The following MATR3 variants were observed in gnomAD, a reference collection of about 807,000 sequenced individuals.
The protein encoded by MATR3 is matrin-3.
A neutral mutation model predicts 85.5 loss-of-function variants in MATR3; 4 were observed. The observed-to-expected ratio is 0.05, with a 90% CI of 0.02 to 0.11. The LOEUF is 0.11. MATR3 is among the 10% of genes least tolerant of loss of function. The pLI is 1.00. For synonymous variants in MATR3, 336 were observed against 343.1 expected (o/e 0.98, Z 0.23); for missense variants, 685 against 1,016.1 (o/e 0.67, Z 4.43).
At chr5:139,296,982 C>G (rs1754188582) in intron 1 of MATR3, among the ~76,000 whole-genome samples, 1 of 152,130 alleles carries the variant, frequency 6.6e-6, no homozygotes, top group African/African-American at 2.4e-5. Context: ...ACCAGCTTGC[C>G]CAACATGGCG....
At chr5:139,278,234 T>A (rs77591942) in intron 2 of MATR3, 11,626 of 248,066 alleles carry the variant, frequency 0.047, 951 homozygotes, top group East Asian at 0.39. Context: ...TCTCAAAAAA[T>A]ATATATATAT....
rs1418910027 is a variant in MATR3 at position 139,307,497 on chromosome 5, C to G, written c.82C>G (p.Leu28Val). The G allele has an allele frequency of 6.2e-7, 1 of 1,614,046 alleles. No homozygotes were observed. Among genetic ancestry groups the G allele is most frequent in the Non-Finnish European group, 8.5e-7 (1 of 1,179,988 alleles). ...TGACCTGTCTGCGGCAGGAATAGGCCTTCTTGCTGCTGCTACCCAGTCTTT... is the reference window on the plus strand; with the variant it reads ...TGACCTGTCTGCGGCAGGAATAGGCGTTCTTGCTGCTGCTACCCAGTCTTT... ...GRDLSAAGIG[L>V]LAAATQSLSM... The change falls in exon 2 of 15, where the codon CTT (leucine) becomes GTT (valine). Residue 28 changes from leucine (L) to valine (V), a missense_variant. Physicochemically the swap from Leu to Val is conservative, Grantham distance 32 (BLOSUM62 1). Around this residue, in one of 9 missense-constraint regions of MATR3, gnomAD observed 30 missense variants for 69.5 expected, o/e 0.43. Coordinates refer to ENST00000394805, the MANE Select transcript of MATR3 (RefSeq NM_018834.6). This position sits in a 1 kb window ranked among gnomAD's most constrained non-coding sequence, Gnocchi z 4.4.
intron 1 of MATR3, among the ~76,000 whole-genome samples, chr5:139,306,364 C>T (rs1460368702): frequency 1.3e-5 from 2 of 152,186 alleles, no homozygotes; most frequent in Admixed American, 1.3e-4. Context: ...ATCTCATTTT[C>T]ATTTTTACCT....
intron 3 of MATR3, among the ~76,000 whole-genome samples, chr5:139,288,325 G>C (rs1753771813): frequency 6.6e-6 from 1 of 152,086 alleles, no homozygotes; most frequent in South Asian, 2.1e-4. Context: ...TCATCACTAA[G>C]TTCCTCAATA....
At chr5:139,283,305 A>G (rs1163061886) in intron 3 of MATR3, 1 of 152,260 alleles carries the variant, frequency 6.6e-6, no homozygotes, top group Non-Finnish European at 1.5e-5. Flanking sequence ...TCTCCTTCTC[A>G]GTATTAATTC....
chr5:139,324,862 G>T (rs1755763900), intron 12 of MATR3, among the ~76,000 whole-genome samples: 1 of 152,050 alleles, frequency 6.6e-6, no homozygotes, highest in Non-Finnish European at 1.5e-5. Flanking sequence ...TTTTTTGGAA[G>T]AAAGGAAGAA....
chr5:139,331,566 C>T lies in MATR3; in HGVS notation c.*2171C>T, dbSNP rs886060004. ...AAACCTCTTTTTAGTAGGAATGTTT[C>T]CACTCATGTTTGCTGTAAAGTTTAA... On this transcript the variant is annotated 3_prime_UTR_variant, in exon 15 of 15. Coordinates refer to ENST00000394805, the MANE Select transcript of MATR3 (RefSeq NM_018834.6). 11 of 453,978 alleles carry T rather than the reference C, an allele frequency of 2.4e-5. No homozygotes were observed. The highest frequency in any genetic ancestry group is 4.4e-5 in the Non-Finnish European group (10 of 226,794). 28.1% of individuals were successfully genotyped at this position (453,978 alleles called of 1,614,324 possible).
At chr5:139,296,990 GC>G (rs1754189346) in intron 1 of MATR3, among the ~76,000 whole-genome samples, 1 of 152,132 alleles carries the variant, frequency 6.6e-6, no homozygotes. Flanking sequence ...GCCCAACATG[GC>G]GAAACCCCAT....
rs570298093 is a variant in MATR3 at position 139,329,485 on chromosome 5, A to G, written c.*90A>G. The G allele has an allele frequency of 3.2e-5, 34 of 1,058,802 alleles. No individual in the cohort carries two copies. Among genetic ancestry groups the G allele is most frequent in the Admixed American group, 2.6e-4 (15 of 56,846 alleles). 65.6% of individuals were successfully genotyped at this position (1,058,802 alleles called of 1,614,324 possible). A position where few individuals can be genotyped will look rare whatever the true frequency, so the allele number is the denominator to read the frequency against. ...TTTTAAATACAATACTGATAGTTAG[A>G]AGAAAACTATTGTACTCTTTTGTTT... On this transcript the variant is annotated 3_prime_UTR_variant, in exon 15 of 15. Transcript: ENST00000394805.
chr5:139,299,649 C>T lies in MATR3; in HGVS notation c.-178+5844C>T, dbSNP rs551268552. Among the ~76,000 whole-genome samples, 20 of 152,262 alleles carry T rather than the reference C, an allele frequency of 1.3e-4. No individual in the cohort carries two copies. The East Asian group carries it at 3.9e-3, about 29-fold the overall frequency. On this transcript the variant is annotated intron_variant, in intron 1 of 14. Coordinates refer to ENST00000394805, the MANE Select transcript of MATR3 (RefSeq NM_018834.6). ...CACTGCACTGGGCAACAGAGGAAGA[C>T]CCTGTCTTGAAAAAGGAAATCGTAG...
chr5:139,329,663 A>G lies in MATR3; in HGVS notation c.*268A>G, dbSNP rs1221444957. Reference sequence around the variant, plus strand: ...TTGACTTCCTAAGCTACTTAAGACAACTTGCACCACTAAGAAAAAAATGTA... The same window carrying G: ...TTGACTTCCTAAGCTACTTAAGACAGCTTGCACCACTAAGAAAAAAATGTA... On this transcript the variant is annotated 3_prime_UTR_variant, in exon 15 of 15. Transcript: ENST00000394805. The G allele has an allele frequency of 6.0e-6, 3 of 496,382 alleles. No individual in the cohort carries two copies. Among genetic ancestry groups the G allele is most frequent in the African/African-American group, 3.9e-5 (2 of 51,468 alleles). 30.7% of individuals were successfully genotyped at this position (496,382 alleles called of 1,614,324 possible).
intron 3 of MATR3, chr5:139,283,625 ATTAC>A (rs1325977408): frequency 6.6e-6 from 1 of 152,210 alleles, no homozygotes; most frequent in African/African-American, 2.4e-5. Flanking sequence ...ATCTGTGCTA[ATTAC>A]TTATCTTGCC....
At chr5:139,301,285 G>C (rs936236471) in intron 1 of MATR3, among the ~76,000 whole-genome samples, 3 of 152,146 alleles carry the variant, frequency 2.0e-5, no homozygotes, top group Non-Finnish European at 4.4e-5. Context: ...GTTTATGGAA[G>C]TCAAGAGAAT....
intron 1 of MATR3, chr5:139,294,398 C>T (rs1032482351): frequency 9.9e-5 from 19 of 191,662 alleles, no homozygotes; most frequent in Middle Eastern, 1.8e-3. Flanking sequence ...GCGTTTCTTT[C>T]TTTTCCCGGT....
chr5:139,327,694 T>TA (rs1271659109), intron 14 of MATR3, among the ~76,000 whole-genome samples: 1 of 152,168 alleles, frequency 6.6e-6, no homozygotes, highest in Non-Finnish European at 1.5e-5. Context: ...ATGCTGGGAT[T>TA]ACAGGCCTGA....
intron 1 of MATR3, among the ~76,000 whole-genome samples, chr5:139,296,976 G>C (rs1354962672): frequency 1.3e-5 from 2 of 152,294 alleles, no homozygotes; most frequent in East Asian, 3.9e-4. Context: ...TCTGAGACCA[G>C]CTTGCCCAAC....
chr5:139,324,292 T>C (rs76636848), intron 12 of MATR3, among the ~76,000 whole-genome samples: 1 of 129,458 alleles, frequency 7.7e-6, no homozygotes, highest in African/African-American at 3.3e-5. Flanking sequence ...GCATGATTGT[T>C]TTTTTTTTTT....
chr5:139,318,484 T>A (rs11958583), intron 7 of MATR3, among the ~76,000 whole-genome samples: 7 of 152,092 alleles, frequency 4.6e-5, no homozygotes, highest in Middle Eastern at 3.4e-3. Flanking sequence ...AGTGTCACTC[T>A]GTCACCTGGG....
At chr5:139,295,084 T>A (rs1754074230) in intron 1 of MATR3, 1 of 152,228 alleles carries the variant, frequency 6.6e-6, no homozygotes, top group African/African-American at 2.4e-5. Context: ...AAAATACATT[T>A]TTCTCCCAGG....
Sources: allele counts gnomAD v4.1 joint callset (sites outside exome capture counted in the v4.1 genomes callset), GRCh38; gene constraint gnomAD v4.1.1; regional missense constraint gnomAD v4.1.1; non-coding constraint Gnocchi (gnomAD v3.1); transcripts MANE v1.5; gene names NCBI Gene and HGNC (gene_info 2026-07-23, HGNC 2026-07-21).